PHACTR3: variants seen among roughly 807,000 people sequenced by gnomAD.
The protein encoded by PHACTR3 is protein phosphatase 1, regulatory subunit 123.
In PHACTR3, 16 loss-of-function variants were observed where a neutral mutation model predicts 66.8. The observed-to-expected ratio is 0.24, with a 90% CI of 0.16 to 0.36. The LOEUF (loss-of-function observed/expected upper bound fraction) is 0.36. Among genes scored for constraint, PHACTR3 ranks in the 10% least tolerant of loss-of-function variants. The pLI is 1.00. For synonymous variants in PHACTR3, 323 were observed against 292.1 expected, an observed-to-expected ratio of 1.11 and a Z score of -1.08; for missense variants, 647 against 719.9, an observed-to-expected ratio of 0.90 and a Z score of 1.16.
At chr20:59,834,785 C>T (rs1486528954) in intron 8 of PHACTR3, among the ~76,000 whole-genome samples, 1 of 152,206 alleles carries the variant, frequency 6.6e-6, no homozygotes, top group African/African-American at 2.4e-5. Context: ...CGGCATTGAC[C>T]ACTCTCTCAG....
At chr20:59,607,105 C>A (rs1324115225) in intron 1 of PHACTR3, among the ~76,000 whole-genome samples, 1 of 152,074 alleles carries the variant, frequency 6.6e-6, no homozygotes, top group Non-Finnish European at 1.5e-5. Context: ...GCCTGGCTGG[C>A]CTGGTGTGTG....
At chr20:59,592,532 CA>C (rs2033214738) in intron 1 of PHACTR3, among the ~76,000 whole-genome samples, 1 of 152,174 alleles carries the variant, frequency 6.6e-6, no homozygotes, top group Admixed American at 6.5e-5. Flanking sequence ...CCAATTCATT[CA>C]TTTTTTTAAA....
intron 1 of PHACTR3, among the ~76,000 whole-genome samples, chr20:59,729,347 C>T (rs1410884162): frequency 6.6e-6 from 1 of 152,116 alleles, no homozygotes; most frequent in Non-Finnish European, 1.5e-5. Flanking sequence ...CACTGGGTCT[C>T]AGGCCCAGAG....
chr20:59,690,319 G>A (rs2037063393), intron 1 of PHACTR3, among the ~76,000 whole-genome samples: 1 of 152,362 alleles, frequency 6.6e-6, no homozygotes, highest in East Asian at 1.9e-4. Context: ...TCTGCAGGAA[G>A]GCCCCTTCCA....
chr20:59,585,580 C>T (rs570085209), intron 1 of PHACTR3, among the ~76,000 whole-genome samples: 1 of 152,302 alleles, frequency 6.6e-6, no homozygotes, highest in South Asian at 2.1e-4. Flanking sequence ...TCTGCTCCAC[C>T]AAAGGTAAAC....
chr20:59,807,829 G>A (rs766941480), intron 8 of PHACTR3, among the ~76,000 whole-genome samples: 33 of 152,178 alleles, frequency 2.2e-4, no homozygotes, highest in Non-Finnish European at 4.0e-4. Flanking sequence ...TGAGGTGCAT[G>A]TCTGTGCATA....
At position 59,813,127 on chromosome 20, in the gene PHACTR3, C is replaced by T. The variant is rs986784302; in HGVS notation, c.1328+6933C>T. Among the ~76,000 whole-genome samples the T allele has an allele frequency of 5.9e-5, 9 of 152,272 alleles. No homozygotes were observed. In the East Asian group the frequency reaches 1.7e-3, roughly 29 times the overall value. On this transcript the variant is annotated intron_variant, in intron 8 of 12. Coordinates refer to ENST00000371015, the MANE Select transcript of PHACTR3 (RefSeq NM_080672.5). Reference sequence around the variant, plus strand: ...CGTTCACTGGGCTGAGTCCTTTGCCCGCTGATGTCTGCAACCCTGAAGTTC... The same window carrying T: ...CGTTCACTGGGCTGAGTCCTTTGCCTGCTGATGTCTGCAACCCTGAAGTTC...
rs1197817719 is a variant in PHACTR3 at position 59,598,390 on chromosome 20, A to G, written c.109+20773A>G. On this transcript the variant is annotated intron_variant, in intron 1 of 12. Coordinates refer to the PHACTR3 transcript ENST00000359926. Reference sequence around the variant, plus strand: ...TAGGTTATCTTCTTCTCACTTACACACGGAGGCTCAGCGGGGCCACACAGT... The same window carrying G: ...TAGGTTATCTTCTTCTCACTTACACGCGGAGGCTCAGCGGGGCCACACAGT... 5.9e-5 allele frequency among the ~76,000 whole-genome samples: 9 copies of G among 152,168 alleles called. No homozygotes were observed. The East Asian group carries it at 1.7e-3, about 29-fold the overall frequency.
At chr20:59,605,769 A>C (rs1270712082) in intron 1 of PHACTR3, among the ~76,000 whole-genome samples, 1 of 143,904 alleles carries the variant, frequency 6.9e-6, no homozygotes, top group African/African-American at 2.6e-5. Flanking sequence ...TTGATTGTTT[A>C]GGTGATAAAC....
intron 7 of PHACTR3, among the ~76,000 whole-genome samples, chr20:59,790,588 CTG>C (rs2041060703): frequency 6.6e-6 from 1 of 152,206 alleles, no homozygotes; most frequent in Non-Finnish European, 1.5e-5. Context: ...GATGTTCACA[CTG>C]TGGGGTTATT....
Position 59,637,696 on chromosome 20 carries a change from T to TA in PHACTR3, c.118+32580dup, listed in dbSNP as rs34038040. Among the ~76,000 whole-genome samples, 1,118 of 143,172 alleles carry TA rather than the reference T, an allele frequency of 7.8e-3. 8 individuals carry two copies. The highest frequency in any genetic ancestry group is 0.019 in the East Asian group (94 of 4,846). 93.9% of individuals were successfully genotyped at this position (143,172 alleles called of 152,430 possible). The stretch of plus-strand genomic sequence containing the variant: ...ATGCTAGAATAAAGACACAAAGCAT[T>TA]AAAAAAAAAAAAAAAACCAACAAAC... On this transcript the variant is annotated intron_variant, in intron 1 of 12. Transcript: ENST00000371015.
intron 8 of PHACTR3, among the ~76,000 whole-genome samples, chr20:59,832,924 C>A (rs1371633726): frequency 1.3e-5 from 2 of 152,220 alleles, no homozygotes; most frequent in African/African-American, 4.8e-5. Context: ...GGCAGAACCA[C>A]CCTAAGACCC....
At chr20:59,692,858 T>A (rs1311584124) in intron 1 of PHACTR3, among the ~76,000 whole-genome samples, 1 of 152,232 alleles carries the variant, frequency 6.6e-6, no homozygotes, top group Admixed American at 6.5e-5. Flanking sequence ...TAGGATTAAA[T>A]GAGAAAATGT....
rs138844933 is a variant in PHACTR3, at chr20:59,747,433, T to G, written c.281-325T>G. 6.6e-5 allele frequency among the ~76,000 whole-genome samples: 10 copies of G among 152,272 alleles called. No individual in the cohort carries two copies. In the East Asian group the frequency reaches 1.7e-3, roughly 26 times the overall value. On this transcript the variant is annotated intron_variant, in intron 2 of 12. Coordinates refer to ENST00000371015, the MANE Select transcript of PHACTR3 (RefSeq NM_080672.5). ...CCTTGGTTGGTAATTTAGGGAACAT[T>G]TGGTGAAGGGCAGGAATGGCTGGTG...
intron 8 of PHACTR3, among the ~76,000 whole-genome samples, chr20:59,835,356 C>T (rs1455083833): frequency 6.6e-6 from 1 of 152,098 alleles, no homozygotes; most frequent in East Asian, 1.9e-4. Flanking sequence ...AGACAAAGCC[C>T]CCAGGGGAGC....
chr20:59,632,099 C>T (rs912067681), intron 1 of PHACTR3, among the ~76,000 whole-genome samples: 1 of 152,180 alleles, frequency 6.6e-6, no homozygotes, highest in Non-Finnish European at 1.5e-5. Context: ...GGCGGCCTCT[C>T]GTCTAATGCT....
chr20:59,831,001 C>T (rs2042354410), intron 8 of PHACTR3, among the ~76,000 whole-genome samples: 1 of 152,294 alleles, frequency 6.6e-6, no homozygotes, highest in Middle Eastern at 3.4e-3. Flanking sequence ...GTCTCATCAG[C>T]TCCACCTCTA....
chr20:59,831,863 G>T (rs553350880), intron 8 of PHACTR3, among the ~76,000 whole-genome samples: 2 of 152,318 alleles, frequency 1.3e-5, no homozygotes, highest in Admixed American at 1.3e-4. Context: ...GGCTCTGGGG[G>T]TCTGCTCTCA....
At chr20:59,725,209 GGTTGTGAGCCCAGGTGT>G (rs1286503520) in intron 1 of PHACTR3, among the ~76,000 whole-genome samples, 3,760 of 152,204 alleles carry the variant, frequency 0.025, 178 homozygotes, top group African/African-American at 0.086. Context: ...TGCTCAGTGA[GGTTGTGAGCCCAGGTGT>G]CCTGTGTGCT....
Sources: allele counts gnomAD v4.1 joint callset (sites outside exome capture counted in the v4.1 genomes callset), GRCh38; gene constraint gnomAD v4.1.1; transcripts MANE v1.5; gene names NCBI Gene and HGNC (gene_info 2026-07-23, HGNC 2026-07-21).